The following AGGF1 variants were observed in gnomAD, a reference collection of about 807,000 sequenced individuals.
The protein encoded by AGGF1 is angiogenic factor with G patch and FHA domains 1.
AGGF1 carries 56 observed loss-of-function variants against 86.5 expected under a neutral mutation model. That is an observed-to-expected ratio of 0.65 (90% CI 0.52 to 0.81). AGGF1 has a LOEUF of 0.81. Among genes scored for constraint, AGGF1 ranks in the 30% least tolerant of loss-of-function variants. The pLI, the probability that AGGF1 is intolerant of heterozygous loss-of-function variation, is 0.00. For synonymous variants in AGGF1, 313 were observed against 297.1 expected, an observed-to-expected ratio of 1.05 and a Z score of -0.55; for missense variants, 816 against 850.9, an observed-to-expected ratio of 0.96 and a Z score of 0.51.
chr5:77,036,781 C>T (rs6453271), intron 4 of AGGF1, 61 bp downstream of exon 4: 175,195 of 1,570,568 alleles, frequency 0.11, 10,718 homozygotes, highest in East Asian at 0.28. Context: ...TCTGTCACCC[C>T]GGCTGGAGTG....
chr5:77,040,251 G>A (rs1747049328), intron 5 of AGGF1, among the ~76,000 whole-genome samples: 1 of 151,870 alleles, frequency 6.6e-6, no homozygotes, highest in Non-Finnish European at 1.5e-5. Flanking sequence ...TGGGATTACA[G>A]GCATGCACCA....
At chr5:77,049,683 G>A (rs932340518) in intron 8 of AGGF1, among the ~76,000 whole-genome samples, 3 of 151,644 alleles carry the variant, frequency 2.0e-5, no homozygotes, top group Admixed American at 1.3e-4. Flanking sequence ...GAAGGTAGCT[G>A]GGACTACAGG....
intron 5 of AGGF1, 79 bp downstream of exon 5, chr5:77,039,798 A>C (rs35359101): frequency 0.27 from 332,625 of 1,246,876 alleles, 46,386 homozygotes; most frequent in Non-Finnish European, 0.29. Flanking sequence ...TGAAACTGAC[A>C]ATCATTCAAT....
rs879144456 is a variant in AGGF1 at position 77,063,105 on chromosome 5, C to G, written c.1998C>G (p.Ser666=). 1 of 1,613,814 alleles carries G rather than the reference C, an allele frequency of 6.2e-7. No homozygotes were observed. Among genetic ancestry groups the G allele is most frequent in the Non-Finnish European group, 8.5e-7 (1 of 1,179,976 alleles). The change falls in exon 14 of 14, where the codon TCC becomes TCG. Residue 666 remains serine, a synonymous_variant. Transcript: ENST00000312916. ...CAGGCTTGGGGACAGGCAAACCATC[C>G]TCATTTGAAGATGTTCACCTTCTCC... ...THAGLGTGKP[S]SFEDVHLLQN... is the part of the protein sequence containing the mutation.
intron 5 of AGGF1, among the ~76,000 whole-genome samples, chr5:77,042,576 G>A (rs1202100316): frequency 3.8e-4 from 20 of 52,122 alleles, no homozygotes; most frequent in East Asian, 1.3e-3. Context: ...CTGGCCGGGC[G>A]GGGGGGCTGA....
At chr5:77,035,410 T>C in intron 2 of AGGF1, 131 bp from the exon 3 acceptor site, 1 of 707,214 alleles carries the variant, frequency 1.4e-6, no homozygotes, top group Non-Finnish European at 2.4e-6. Context: ...TTAAAATTTG[T>C]ACAGTTGTAA....
chr5:77,031,123 A>G (rs1746842788), intron 1 of AGGF1, 147 bp downstream of exon 1: 2 of 867,750 alleles, frequency 2.3e-6, no homozygotes, highest in African/African-American at 1.7e-5. Context: ...CGCAGTTACA[A>G]TTCCAAGTAC....
chr5:77,057,615 A>C (rs1396990393), intron 11 of AGGF1, among the ~76,000 whole-genome samples: 3 of 152,238 alleles, frequency 2.0e-5, no homozygotes, highest in African/African-American at 4.8e-5. Context: ...CTACTTACAA[A>C]TAGTGAGCAA....
At position 77,046,388 on chromosome 5, in the gene AGGF1, T is replaced by C. The variant is rs750448928; in HGVS notation, c.912T>C (p.His304=). 2 of 1,613,716 alleles carry C rather than the reference T, an allele frequency of 1.2e-6. No individual in the cohort carries two copies. Among genetic ancestry groups the C allele is most frequent in the Admixed American group, 3.3e-5 (2 of 60,000 alleles). ...SEDQKAFSVE[H]TSCNEEENFA... ...ATCAAAAAGCCTTCAGTGTTGAACATACAAGCTGCAATGAGGAAGAAAATT... is the reference window on the plus strand; with the variant it reads ...ATCAAAAAGCCTTCAGTGTTGAACACACAAGCTGCAATGAGGAAGAAAATT... Residue 304 remains histidine, a synonymous_variant, in exon 6 of 14, where the codon CAT becomes CAC. Transcript: ENST00000312916.
intron 1 of AGGF1, among the ~76,000 whole-genome samples, chr5:77,033,014 A>C (rs888098526): frequency 6.6e-6 from 1 of 152,246 alleles, no homozygotes; most frequent in Admixed American, 6.5e-5. Context: ...AGAAGCGAAC[A>C]GAAGGTAATT....
At chr5:77,039,428 G>A (rs1288344497) in intron 4 of AGGF1, 103 bp from the exon 5 acceptor site, 3 of 894,056 alleles carry the variant, frequency 3.4e-6, no homozygotes, top group Non-Finnish European at 5.1e-6. Flanking sequence ...AAATACTATA[G>A]TTGTTCAAAG....
rs955929144 is a variant in AGGF1 at position 77,054,205 on chromosome 5, C to T, written c.1633+75C>T. 7 of 1,547,142 alleles carry T rather than the reference C, an allele frequency of 4.5e-6. No homozygotes were observed. In the African/African-American group the frequency reaches 9.5e-5, roughly 21 times the overall value. ...CCTAAATGTTCTAAAAAACATCAGT[C>T]AGCTACTGGCTACATGTCTAATTGA... On this transcript the variant is annotated intron_variant, in intron 10 of 13. Transcript: ENST00000312916.
intron 1 of AGGF1, among the ~76,000 whole-genome samples, chr5:77,033,167 G>A (rs948027720): frequency 6.6e-6 from 1 of 152,130 alleles, no homozygotes; most frequent in Non-Finnish European, 1.5e-5. Context: ...GGGAGAGGGT[G>A]GATTCGATTA....
intron 4 of AGGF1, among the ~76,000 whole-genome samples, chr5:77,036,984 C>T (rs971913014): frequency 6.6e-6 from 1 of 152,194 alleles, no homozygotes. Context: ...CCTTTTAATA[C>T]TGTATGATAC....
intron 13 of AGGF1, among the ~76,000 whole-genome samples, chr5:77,062,430 C>G (rs1747577387): frequency 6.6e-6 from 1 of 152,028 alleles, no homozygotes; most frequent in African/African-American, 2.4e-5. Context: ...GTAGTCAGAC[C>G]TAGGTTAGAA....
rs1363011859 is a variant in AGGF1 at position 77,049,000 on chromosome 5, A to T, written c.1365+13A>T. The T allele has an allele frequency of 1.9e-6, 3 of 1,611,800 alleles. No homozygotes were observed. Reference sequence around the variant, plus strand: ...TGGTGTCAGTAAGGTAAGCTCTTTGATTTATCAAATATAGTCCCCTAGATG... The same window carrying T: ...TGGTGTCAGTAAGGTAAGCTCTTTGTTTTATCAAATATAGTCCCCTAGATG... On this transcript the variant is annotated intron_variant, in intron 8 of 13. Coordinates refer to ENST00000312916, the MANE Select transcript of AGGF1 (RefSeq NM_018046.5).
At chr5:77,058,996 C>T (rs549820571) in intron 11 of AGGF1, among the ~76,000 whole-genome samples, 3 of 152,280 alleles carry the variant, frequency 2.0e-5, no homozygotes, top group South Asian at 4.1e-4. Context: ...AAGCAAAAAA[C>T]TATTGTTGCC....
At chr5:77,035,356 A>G (rs1746944190) in intron 2 of AGGF1, among the ~76,000 whole-genome samples, 185 bp from the exon 3 acceptor site, 1 of 152,146 alleles carries the variant, frequency 6.6e-6, no homozygotes, top group Non-Finnish European at 1.5e-5. Context: ...AGAATCAAAG[A>G]TACACACTTC....
intron 8 of AGGF1, among the ~76,000 whole-genome samples, chr5:77,050,320 T>C (rs1747348786): frequency 1.5e-5 from 2 of 137,734 alleles, no homozygotes; most frequent in East Asian, 2.1e-4. Flanking sequence ...TTTTTTTTTT[T>C]TTTTTTTTTT....
Sources: gnomAD v4.1 joint callset for allele counts (sites outside exome capture counted in the v4.1 genomes callset) on GRCh38, gnomAD v4.1.1 for gene constraint, MANE v1.5 for transcripts, NCBI Gene and HGNC (gene_info 2026-07-23, HGNC 2026-07-21) for gene names.